Variants in REEP3 observed in about 807,000 individuals in gnomAD.
The protein encoded by REEP3 is receptor accessory protein 3.
Under a neutral mutation model 41.3 loss-of-function variants are expected in REEP3, and 20 were observed. The ratio of observed to expected loss-of-function variants is 0.48; its 90% CI spans 0.34 to 0.70. The LOEUF (loss-of-function observed/expected upper bound fraction) is 0.70. REEP3 is among the 30% of genes least tolerant of loss of function. REEP3 has a pLI of 0.01. For missense variants in REEP3, 271 were observed against 308.8 expected, an observed-to-expected ratio of 0.88 and a Z score of 0.92; for synonymous variants, 104 against 101.8, an observed-to-expected ratio of 1.02 and a Z score of -0.13.
intron 1 of REEP3, among the ~76,000 whole-genome samples, chr10:63,546,520 A>G (rs1362224529): frequency 6.6e-6 from 1 of 152,248 alleles, no homozygotes; most frequent in Non-Finnish European, 1.5e-5. Context: ...GGCCAAGAAT[A>G]GTCAAGACAA....
chr10:63,561,017 A>C (rs1955735039), intron 1 of REEP3, among the ~76,000 whole-genome samples: 1 of 152,192 alleles, frequency 6.6e-6, no homozygotes, highest in Non-Finnish European at 1.5e-5. Flanking sequence ...AATCTTACCC[A>C]TGTTCCAAAT....
chr10:63,615,629 T>A (rs1409885929), intron 6 of REEP3, among the ~76,000 whole-genome samples: 1 of 151,650 alleles, frequency 6.6e-6, no homozygotes, highest in East Asian at 1.9e-4. Context: ...CACTGCAGCC[T>A]CCACCTCCCA....
intron 5 of REEP3, 29 bp downstream of exon 5, chr10:63,599,312 A>G (rs370180962): frequency 1.5e-5 from 15 of 1,015,130 alleles, no homozygotes; most frequent in African/African-American, 1.2e-4. Flanking sequence ...TTTTAATCCA[A>G]TGTCATATTA....
At chr10:63,539,017 C>T (rs1236126167) in intron 1 of REEP3, among the ~76,000 whole-genome samples, 1 of 152,118 alleles carries the variant, frequency 6.6e-6, no homozygotes, top group Non-Finnish European at 1.5e-5. Flanking sequence ...GATCTGTTCA[C>T]AAAGATTTCT....
At chr10:63,620,741 G>A (rs1334199395) in intron 7 of REEP3, 72 bp from the exon 8 acceptor site, 6 of 955,210 alleles carry the variant, frequency 6.3e-6, no homozygotes, top group Non-Finnish European at 9.3e-6. Context: ...CTATGATTAT[G>A]AACTATTAAA....
At chr10:63,537,775 G>A (rs1386918226) in intron 1 of REEP3, among the ~76,000 whole-genome samples, 1 of 152,180 alleles carries the variant, frequency 6.6e-6, no homozygotes, top group African/African-American at 2.4e-5. Context: ...CACCTGTCAT[G>A]ATGAGTATGT....
At chr10:63,590,455 A>G (rs976270122) in intron 2 of REEP3, among the ~76,000 whole-genome samples, 2 of 152,190 alleles carry the variant, frequency 1.3e-5, no homozygotes, top group African/African-American at 2.4e-5. Flanking sequence ...ATGTGTCCCC[A>G]TCTTAGTGCT....
chr10:63,604,578 C>T (rs1285958998), intron 5 of REEP3, among the ~76,000 whole-genome samples: 1 of 152,006 alleles, frequency 6.6e-6, no homozygotes. Flanking sequence ...GGTCAAAAAT[C>T]CGAACATCTT....
rs1247507724 is a variant in REEP3 at position 63,594,813 on chromosome 10, C to G, written c.141C>G (p.Leu47=). Residue 47 remains leucine (L), a synonymous_variant, in exon 3 of 8, where the codon CTC becomes CTG. Coordinates refer to ENST00000373758, the MANE Select transcript of REEP3 (RefSeq NM_001001330.3). The part of the protein sequence containing the change: ...RWMMYWIVFA[L]YTVIETVADQ... ...TGATGTACTGGATTGTTTTTGCTCT[C>G]TATACTGTGATTGAAACAGTAGCCG... The G allele has an allele frequency of 6.2e-7, 1 of 1,612,608 alleles. No individual in the cohort carries two copies. Among genetic ancestry groups the G allele is most frequent in the Admixed American group, 1.7e-5 (1 of 60,018 alleles).
At chr10:63,545,680 G>GTTTTTTTTTTTTTTT (rs55779021) in intron 1 of REEP3, among the ~76,000 whole-genome samples, 1 of 55,412 alleles carries the variant, frequency 1.8e-5, no homozygotes, top group East Asian at 5.6e-4. Flanking sequence ...GCCAACTTCT[G>GTTTTTTTTTTTTTTT]TTTTTTTTTT....
At chr10:63,556,112 T>A (rs1955676166) in intron 1 of REEP3, among the ~76,000 whole-genome samples, 1 of 152,048 alleles carries the variant, frequency 6.6e-6, no homozygotes, top group South Asian at 2.1e-4. Flanking sequence ...CTCATTGAGA[T>A]TAAGATTCTG....
chr10:63,534,942 T>C (rs1955460343), intron 1 of REEP3, among the ~76,000 whole-genome samples: 1 of 152,324 alleles, frequency 6.6e-6, no homozygotes, highest in Non-Finnish European at 1.5e-5. Flanking sequence ...GGTCTAAAAT[T>C]ATGCTCTCCC....
intron 7 of REEP3, 47 bp downstream of exon 7, chr10:63,619,847 C>T: frequency 6.6e-7 from 1 of 1,517,502 alleles, no homozygotes; most frequent in African/African-American, 1.4e-5. Context: ...TGAAGGATTT[C>T]CCTGCTGTGT....
chr10:63,525,031 T>C (rs1589854137), intron 1 of REEP3, among the ~76,000 whole-genome samples: 1 of 151,598 alleles, frequency 6.6e-6, no homozygotes, highest in South Asian at 2.1e-4. Flanking sequence ...AAAAAGACTG[T>C]TGTAAAGATT....
rs1441165659 is a variant in REEP3 at position 63,623,046 on chromosome 10, A to G, written c.*2177A>G. 1 of 152,106 alleles carries G rather than the reference A, an allele frequency of 6.6e-6. No homozygotes were observed. Among genetic ancestry groups the G allele is most frequent in the Non-Finnish European group, 1.5e-5 (1 of 68,014 alleles). The allele number at this position is 152,106 out of a possible 1,614,324, so 9.4% of individuals were successfully genotyped here. A position where few individuals can be genotyped will look rare whatever the true frequency, so the allele number is the denominator to read the frequency against. On this transcript the variant is annotated 3_prime_UTR_variant, in exon 8 of 8. Transcript: ENST00000373758. ...AAAGTCTGGTCCCAGTATTAAACCT[A>G]TTCTTTAGTAAACTCATATTACTGT... is the stretch of plus-strand genomic sequence containing the variant.
intron 1 of REEP3, among the ~76,000 whole-genome samples, chr10:63,522,410 GTGTAAATGTATTTGAA>G (rs1955286944): frequency 1.3e-5 from 2 of 152,058 alleles, no homozygotes; most frequent in Non-Finnish European, 1.5e-5. Flanking sequence ...GGTGTTAATC[GTGTAAATGTATTTGAA>G]TACAGTTTAA....
At position 63,593,258 on chromosome 10, in the gene REEP3, T is replaced by C. The variant is rs145081648; in HGVS notation, c.106-1520T>C. ...AACTAATAGGTCAATTTCCCAGTTATATATAAGGACCTAAATTTTTTTGTC... is the reference window on the plus strand; with the variant it reads ...AACTAATAGGTCAATTTCCCAGTTACATATAAGGACCTAAATTTTTTTGTC... On this transcript the variant is annotated intron_variant, in intron 2 of 7. Coordinates refer to ENST00000373758, the MANE Select transcript of REEP3 (RefSeq NM_001001330.3). Among the ~76,000 whole-genome samples, 12 of 150,194 alleles carry C rather than the reference T, an allele frequency of 8.0e-5. No individual in the cohort carries two copies. The East Asian group carries it at 2.1e-3, about 27-fold the overall frequency.
intron 2 of REEP3, among the ~76,000 whole-genome samples, chr10:63,590,307 T>C (rs902314804): frequency 2.6e-5 from 4 of 152,220 alleles, no homozygotes; most frequent in African/African-American, 4.8e-5. Context: ...TATGTTTCTA[T>C]TCCCATGCCA....
intron 6 of REEP3, among the ~76,000 whole-genome samples, chr10:63,619,437 G>GA (rs1441370525): frequency 3.3e-5 from 5 of 152,172 alleles, no homozygotes; most frequent in African/African-American, 7.2e-5. Context: ...AAATAAGAAT[G>GA]ATCAGGGAAA....
Sources: allele counts gnomAD v4.1 joint callset (sites outside exome capture counted in the v4.1 genomes callset), GRCh38; gene constraint gnomAD v4.1.1; transcripts MANE v1.5; gene names NCBI Gene and HGNC (gene_info 2026-07-23, HGNC 2026-07-21).